GLIS3: variants seen among roughly 807,000 people sequenced by gnomAD.
The protein encoded by GLIS3 is zinc finger protein GLIS3.
Under a neutral mutation model 78.6 loss-of-function variants are expected in GLIS3, and 53 were observed. That is an observed-to-expected ratio of 0.67 (90% CI 0.54 to 0.85). The LOEUF (loss-of-function observed/expected upper bound fraction) is 0.85. GLIS3 is among the 40% of genes least tolerant of loss of function. GLIS3 has a pLI of 0.00. For missense variants in GLIS3, 1,703 were observed against 1,231.1 expected (o/e 1.38, Z -5.74); for synonymous variants, 684 against 509.9 (o/e 1.34, Z -4.60).
At chr9:3,901,626 G>C (rs1823311731) in intron 6 of GLIS3, among the ~76,000 whole-genome samples, 1 of 152,166 alleles carries the variant, frequency 6.6e-6, no homozygotes, top group Non-Finnish European at 1.5e-5. Context: ...TTCATAAAGA[G>C]ACAAATGCAT....
intron 2 of GLIS3, among the ~76,000 whole-genome samples, chr9:4,136,684 G>C (rs1158023966): frequency 2.0e-5 from 3 of 152,176 alleles, no homozygotes; most frequent in African/African-American, 4.8e-5. Context: ...GTAGGGTGTA[G>C]ACACAGAAAC....
chr9:3,998,333 A>C (rs1356710429), intron 4 of GLIS3, among the ~76,000 whole-genome samples: 4 of 152,176 alleles, frequency 2.6e-5, no homozygotes, highest in Non-Finnish European at 5.9e-5. Context: ...CAATGCACAG[A>C]GCTAGGAAAT....
Position 4,179,080 on chromosome 9 carries a change from G to A in GLIS3, c.389-53139C>T, listed in dbSNP as rs547416369. On this transcript the variant is annotated intron_variant, in intron 2 of 10. Coordinates refer to ENST00000381971, the MANE Select transcript of GLIS3 (RefSeq NM_001042413.2). ...CACACTTCAGCCTGAGTTTTGGATGGTGCAATAATTCACACCTTGGACATT... is the reference window on the plus strand; with the variant it reads ...CACACTTCAGCCTGAGTTTTGGATGATGCAATAATTCACACCTTGGACATT... Among the ~76,000 whole-genome samples, 150 of 152,264 alleles carry A rather than the reference G, an allele frequency of 9.9e-4. 1 individual carries two copies. The highest frequency in any genetic ancestry group is 3.4e-3 in the Middle Eastern group (1 of 294).
At chr9:4,074,083 G>C (rs77158423) in intron 4 of GLIS3, among the ~76,000 whole-genome samples, 11,625 of 152,182 alleles carry the variant, frequency 0.076, 984 homozygotes, top group East Asian at 0.27. Context: ...TATTTCTCCA[G>C]CTCCCTTCCG....
chr9:3,875,519 G>A (rs55928095), intron 8 of GLIS3: 4 of 152,072 alleles, frequency 2.6e-5, no homozygotes, highest in African/African-American at 4.8e-5. Flanking sequence ...AAAAATCGCA[G>A]AGTGTGATAA....
chr9:4,304,969 C>G (rs536629878), upstream of GLIS3, among the ~76,000 whole-genome samples: 7 of 152,326 alleles, frequency 4.6e-5, no homozygotes, highest in Admixed American at 3.9e-4. Context: ...CAAAGCAGAC[C>G]TGCCCCGGGT....
At chr9:3,946,282 C>T (rs541200420) in intron 4 of GLIS3, among the ~76,000 whole-genome samples, 1 of 152,308 alleles carries the variant, frequency 6.6e-6, no homozygotes, top group African/African-American at 2.4e-5. Flanking sequence ...GCTCTAGGTA[C>T]AGTGCTTGGC....
At chr9:4,405,276 C>T in the GLIS3 span, among the ~76,000 whole-genome samples, 11 of 151,838 alleles carry the variant, frequency 7.2e-5, no homozygotes, top group African/African-American at 2.4e-4. Context: ...ATCACTTGAA[C>T]CCAGGCGGCA....
intron 4 of GLIS3, among the ~76,000 whole-genome samples, chr9:4,004,159 G>A (rs770183432): frequency 1.3e-5 from 2 of 152,162 alleles, no homozygotes; most frequent in Admixed American, 6.5e-5. Flanking sequence ...TAAAGGTTAC[G>A]AAAAGGGAAT....
chr9:3,902,237 T>G (rs1423141363), intron 6 of GLIS3, among the ~76,000 whole-genome samples: 1 of 152,188 alleles, frequency 6.6e-6, no homozygotes, highest in East Asian at 1.9e-4. Context: ...TTAGGAACCT[T>G]AAGTAAAATT....
chr9:4,316,848 T>A (rs10814928), intron 2 of GLIS3, among the ~76,000 whole-genome samples: 1 of 151,982 alleles, frequency 6.6e-6, no homozygotes, highest in African/African-American at 2.4e-5. Context: ...GTGTTTAATA[T>A]GAGAAGTGTT....
rs746996169 is a variant in GLIS3, at chr9:4,118,320, C to G, written c.1158G>C (p.Glu386Asp). 2.3e-5 allele frequency: 36 copies of G among 1,574,554 alleles called. No individual in the cohort carries two copies. Among genetic ancestry groups the G allele is most frequent in the Non-Finnish European group, 3.1e-5 (36 of 1,163,034 alleles). ...PGGLALPAYG[E>D]DGALEHERMQ... is the part of the protein sequence containing the mutation. ...TGCGCTCGTGCTCCAGGGCCCCGTC[C>G]TCGCCGTAGGCCGGCAGCGCCAGGC... The change falls in exon 4 of 11, where the codon GAG becomes GAC. Residue 386 changes from glutamate to aspartate, a missense_variant. Transcript: ENST00000381971. The surrounding 1 kb of genome is among the most constrained non-coding windows in gnomAD (Gnocchi z 4.7).
At chr9:3,951,547 C>A (rs1816677767) in intron 4 of GLIS3, among the ~76,000 whole-genome samples, 1 of 151,636 alleles carries the variant, frequency 6.6e-6, no homozygotes. Context: ...GCATTTGAGA[C>A]CTGAAAAATA....
intron 2 of GLIS3, among the ~76,000 whole-genome samples, chr9:4,255,706 G>A (rs1042025682): frequency 2.6e-5 from 4 of 152,130 alleles, no homozygotes; most frequent in Admixed American, 1.3e-4. Context: ...CAAGAGCTAG[G>A]GGAAAGGGAG....
At chr9:4,187,797 T>A (rs1817947936) in intron 2 of GLIS3, among the ~76,000 whole-genome samples, 1 of 152,110 alleles carries the variant, frequency 6.6e-6, no homozygotes, top group African/African-American at 2.4e-5. Flanking sequence ...GCTCTCTGTT[T>A]GTCTGTTATT....
chr9:4,047,026 T>A (rs543991794), intron 4 of GLIS3, among the ~76,000 whole-genome samples: 1 of 152,126 alleles, frequency 6.6e-6, no homozygotes, highest in South Asian at 2.1e-4. Context: ...GTTGGTGATA[T>A]TGTTTGGCTC....
intron 2 of GLIS3, among the ~76,000 whole-genome samples, chr9:4,243,141 G>T (rs1823474098): frequency 6.6e-6 from 1 of 152,076 alleles, no homozygotes; most frequent in Admixed American, 6.6e-5. Flanking sequence ...AACAACCCTA[G>T]GGAGACTGAC....
At chr9:4,243,559 ATGGTTATTTTGC>A (rs1296758926) in intron 2 of GLIS3, among the ~76,000 whole-genome samples, 1 of 152,242 alleles carries the variant, frequency 6.6e-6, no homozygotes, top group Non-Finnish European at 1.5e-5. Context: ...ATATGAAAAG[ATGGTTATTTTGC>A]TGGTTATTTT....
At chr9:3,828,770 CAA>C (rs1415952963) in intron 10 of GLIS3, among the ~76,000 whole-genome samples, 2 of 152,036 alleles carry the variant, frequency 1.3e-5, no homozygotes, top group African/African-American at 2.4e-5. Flanking sequence ...AAGGAGGAAA[CAA>C]AGAGCAAAGA....
Sources: gnomAD v4.1 joint callset for allele counts (sites outside exome capture counted in the v4.1 genomes callset) on GRCh38, gnomAD v4.1.1 for gene constraint, Gnocchi (gnomAD v3.1) non-coding constraint, MANE v1.5 for transcripts, NCBI Gene and HGNC (gene_info 2026-07-23, HGNC 2026-07-21) for gene names.